NAV1: variants seen among roughly 807,000 people sequenced by gnomAD.
NAV1 encodes pore membrane and/or filament interacting like protein 3.
In NAV1, 18 loss-of-function variants were observed where a neutral mutation model predicts 175.2. The ratio of observed to expected loss-of-function variants is 0.10; its 90% CI spans 0.07 to 0.15. The LOEUF is 0.15. Ranked by LOEUF, NAV1 falls within the 10% of genes least tolerant of loss-of-function variation. The pLI is 1.00. For synonymous variants in NAV1, 897 were observed against 978.7 expected (o/e 0.92, Z 1.56); for missense variants, 1,731 against 2,436.6 (o/e 0.71, Z 6.10).
chr1:201,785,918 G>A (rs1301103653), intron 8 of NAV1, among the ~76,000 whole-genome samples: 4 of 146,308 alleles, frequency 2.7e-5, no homozygotes, highest in Admixed American at 2.1e-4. Context: ...TCAGCCTCCC[G>A]AGTAGCTGGG....
At chr1:201,605,143 T>C (rs932584635) in intron 2 of NAV1, among the ~76,000 whole-genome samples, 21 of 151,882 alleles carry the variant, frequency 1.4e-4, no homozygotes, top group Non-Finnish European at 7.4e-5. Context: ...TTTTTTTTTT[T>C]TCCTTCCCCC....
At chr1:201,713,520 T>G (rs1672000513) in intron 2 of NAV1, among the ~76,000 whole-genome samples, 1 of 152,202 alleles carries the variant, frequency 6.6e-6, no homozygotes, top group African/African-American at 2.4e-5. Flanking sequence ...CATGGGGCAC[T>G]CAGCCTTCCC....
At chr1:201,686,633 A>G (rs552167160) in intron 1 of NAV1, among the ~76,000 whole-genome samples, 5 of 152,306 alleles carry the variant, frequency 3.3e-5, no homozygotes, top group South Asian at 4.1e-4. Context: ...ATTGATTTGC[A>G]TCTATCTCCT....
intron 28 of NAV1, among the ~76,000 whole-genome samples, chr1:201,816,150 T>A (rs896763131): frequency 6.6e-6 from 1 of 152,124 alleles, no homozygotes; most frequent in Non-Finnish European, 1.5e-5. Context: ...GGCAGGTAGA[T>A]CATCTGAGGT....
At chr1:201,769,716 T>C (rs1195740414) in intron 3 of NAV1, among the ~76,000 whole-genome samples, 2 of 152,032 alleles carry the variant, frequency 1.3e-5, no homozygotes, top group African/African-American at 2.4e-5. Flanking sequence ...AGGCTTCCAA[T>C]TCCATAAACT....
Position 201,590,939 on chromosome 1 carries a change from G to A in NAV1, c.-33+2290G>A, listed in dbSNP as rs558180563. On this transcript the variant is annotated intron_variant, in intron 2 of 33. Coordinates refer to the NAV1 transcript ENST00000685211. The stretch of plus-strand genomic sequence containing the variant: ...TCTAATGGCCATGTCACCCCAACCT[G>A]GTGCTCCTTGCCTCTTCTCTCATTT... 2.6e-5 allele frequency among the ~76,000 whole-genome samples: 4 copies of A among 152,256 alleles called. No homozygotes were observed. In the South Asian group the frequency reaches 8.3e-4, roughly 32 times the overall value.
At chr1:201,554,253 G>A (rs992647826) in intron 1 of NAV1, among the ~76,000 whole-genome samples, 3 of 152,186 alleles carry the variant, frequency 2.0e-5, no homozygotes, top group South Asian at 2.1e-4. Context: ...ACAGGTCCAC[G>A]TGCAAGACTG....
chr1:201,573,007 C>T (rs1240673411), intron 1 of NAV1, among the ~76,000 whole-genome samples: 5 of 152,220 alleles, frequency 3.3e-5, no homozygotes, highest in Non-Finnish European at 7.3e-5. Flanking sequence ...AAGGTCAGCT[C>T]CATCTGAAAC....
At chr1:201,678,007 C>T (rs115556189) in intron 1 of NAV1, among the ~76,000 whole-genome samples, 2,181 of 152,202 alleles carry the variant, frequency 0.014, 53 homozygotes, top group African/African-American at 0.049. Flanking sequence ...CCAATGTCCC[C>T]GAAGTTTAGA....
In NAV1 at chr1:201,782,286, C is replaced by A. The variant is rs754704015; in HGVS notation, c.1774C>A (p.Pro592Thr). ...GGACCGCCTGAGTGATGCTAAGAAG[C>A]CCCCCTCGGGCATTGCTCGCCCCTC... The change falls in exon 6 of 30, where the codon CCC becomes ACC. Residue 592 changes from proline (P) to threonine (T), a missense_variant. Transcript: ENST00000367296. The surrounding 1 kb of genome is among the most constrained non-coding windows in gnomAD (Gnocchi z 5.4). 3 of 1,614,172 alleles carry A rather than the reference C, an allele frequency of 1.9e-6. No homozygotes were observed. The highest frequency in any genetic ancestry group is 2.5e-6 in the Non-Finnish European group (3 of 1,180,012).
At chr1:201,792,606 C>T (rs917711939) in intron 13 of NAV1, 1 of 152,232 alleles carries the variant, frequency 6.6e-6, no homozygotes, top group Admixed American at 6.5e-5. Flanking sequence ...AAGGAGTCTA[C>T]AAGCAGACAT....
rs112904772 is a variant in NAV1, at chr1:201,701,656, T to C, written c.758-11161T>C. ...AAAGATGCTCAATATCATTAGGCAC[T>C]AGGGAAATGTAGATGACACCTACAG... On this transcript the variant is annotated intron_variant, in intron 1 of 29. Coordinates refer to ENST00000367296, the Ensembl canonical transcript of NAV1. Among the ~76,000 whole-genome samples, 1,102 of 152,324 alleles carry C rather than the reference T, an allele frequency of 7.2e-3. 13 individuals carry two copies. Among genetic ancestry groups the C allele is most frequent in the African/African-American group, 0.025 (1,046 of 41,576 alleles).
At chr1:201,550,237 A>G (rs1393621973) in intron 1 of NAV1, among the ~76,000 whole-genome samples, 1 of 152,022 alleles carries the variant, frequency 6.6e-6, no homozygotes, top group African/African-American at 2.4e-5. Flanking sequence ...AGTGGCACCA[A>G]TGCAGCTCAC....
chr1:201,618,681 C>T (rs2102270680), upstream of NAV1, among the ~76,000 whole-genome samples: 1 of 152,304 alleles, frequency 6.6e-6, no homozygotes, highest in South Asian at 2.1e-4. Flanking sequence ...ACCACTCTGC[C>T]ACTTTTTAGC....
intron 28 of NAV1, chr1:201,816,842 T>C: frequency 2.1e-6 from 1 of 478,994 alleles, no homozygotes; most frequent in Non-Finnish European, 3.8e-6. Flanking sequence ...TTTTTTTTTC[T>C]TTTTTCTTTT....
At chr1:201,585,394 A>T (rs1161195145) in intron 1 of NAV1, among the ~76,000 whole-genome samples, 3 of 152,224 alleles carry the variant, frequency 2.0e-5, no homozygotes. Context: ...ATCTTGATCT[A>T]CATGAACATA....
intron 3 of NAV1, among the ~76,000 whole-genome samples, chr1:201,728,994 T>C (rs910051198): frequency 6.6e-6 from 1 of 152,240 alleles, no homozygotes; most frequent in African/African-American, 2.4e-5. Flanking sequence ...AGTTTTCACC[T>C]AGTGTGATGA....
intron 2 of NAV1, among the ~76,000 whole-genome samples, chr1:201,632,725 T>C (rs923151659): frequency 2.0e-5 from 3 of 152,198 alleles, no homozygotes; most frequent in Non-Finnish European, 2.9e-5. Flanking sequence ...CAGAGCCTCC[T>C]CCCTGCCTCC....
upstream of NAV1, among the ~76,000 whole-genome samples, chr1:201,645,585 G>A (rs2819389): frequency 0.072 from 10,992 of 152,122 alleles, 1,276 homozygotes; most frequent in African/African-American, 0.24. Context: ...AAGGATTTGA[G>A]AGGGACTAAC....
Sources: allele counts gnomAD v4.1 joint callset (sites outside exome capture counted in the v4.1 genomes callset), GRCh38; gene constraint gnomAD v4.1.1; non-coding constraint Gnocchi (gnomAD v3.1); transcripts MANE v1.5; gene names NCBI Gene and HGNC (gene_info 2026-07-23, HGNC 2026-07-21).